KLHL5: variants seen among roughly 807,000 people sequenced by gnomAD.
KLHL5 encodes the protein kelch-like protein 5.
In KLHL5, 48 loss-of-function variants were observed where a neutral mutation model predicts 77.7. The observed-to-expected ratio is 0.62, with a 90% confidence interval of 0.49 to 0.79. KLHL5 has a LOEUF of 0.79. Ranked by LOEUF, KLHL5 falls within the 30% of genes least tolerant of loss-of-function variation. KLHL5 has a pLI of 0.00. For synonymous variants in KLHL5, 260 were observed against 297.0 expected (o/e 0.88, Z 1.28); for missense variants, 723 against 859.7 (o/e 0.84, Z 1.99).
Position 39,122,658 on chromosome 4 carries a change from A to T in KLHL5, c.*1592A>T, listed in dbSNP as rs758326442. On this transcript the variant is annotated 3_prime_UTR_variant, in exon 11 of 11. Transcript: ENST00000504108. ...GTCTCTACTAAAAATAAAAAATAAAAAAAAATTAGCCAGGCGTGGTGGCGG... is the reference window on the plus strand; with the variant it reads ...GTCTCTACTAAAAATAAAAAATAAATAAAAATTAGCCAGGCGTGGTGGCGG... Among the ~76,000 whole-genome samples, 5 of 151,918 alleles carry T rather than the reference A, an allele frequency of 3.3e-5. No homozygotes were observed. Among genetic ancestry groups the T allele is most frequent in the Non-Finnish European group, 5.9e-5 (4 of 67,974 alleles).
At chr4:39,129,475 TG>T (rs1283263138), downstream of KLHL5, among the ~76,000 whole-genome samples, 1 of 152,226 alleles carries the variant, frequency 6.6e-6, no homozygotes, top group Non-Finnish European at 1.5e-5. The surrounding 1 kb of genome is among the most constrained non-coding windows in gnomAD (Gnocchi z 4.2). Flanking sequence ...CCCAAAGTGC[TG>T]GGATTACAGG....
At position 39,062,636 on chromosome 4, in the gene KLHL5, A is replaced by T; in HGVS notation, c.-17A>T. ...CTTTTTGCCCGTTGCCTAGACGATC[A>T]CTTGGTTTCTCTGAGGATGTCTGGT... On this transcript the variant is annotated 5_prime_UTR_variant, in exon 1 of 11. Coordinates refer to ENST00000504108, the MANE Select transcript of KLHL5 (RefSeq NM_015990.5). The T allele has an allele frequency of 6.2e-7, 1 of 1,614,148 alleles. No homozygotes were observed. The highest frequency in any genetic ancestry group is 8.5e-7 in the Non-Finnish European group (1 of 1,180,014).
intron 1 of KLHL5, among the ~76,000 whole-genome samples, chr4:39,049,099 C>T (rs947580614): frequency 1.3e-5 from 2 of 152,160 alleles, no homozygotes; most frequent in African/African-American, 4.8e-5. Context: ...AGTCTGTGAA[C>T]GGTCTTAATG....
At chr4:39,120,823 A>G (rs1217307148) in intron 10 of KLHL5, among the ~76,000 whole-genome samples, 187 bp from the exon 11 acceptor site, 4 of 152,264 alleles carry the variant, frequency 2.6e-5, no homozygotes, top group Non-Finnish European at 5.9e-5. Context: ...AACTTAGTCT[A>G]TGAAACTTTG....
intron 1 of KLHL5, chr4:39,045,181 C>G: frequency 1.0e-6 from 1 of 983,702 alleles, no homozygotes; most frequent in Non-Finnish European, 1.2e-6. Flanking sequence ...TCTCACGCCC[C>G]GCTGCGGCCT....
chr4:39,089,035 T>C (rs1720295058), intron 5 of KLHL5, among the ~76,000 whole-genome samples: 2 of 152,160 alleles, frequency 1.3e-5, no homozygotes, highest in Non-Finnish European at 2.9e-5. Flanking sequence ...GGAATTTTAT[T>C]TCAGAAATTT....
At chr4:39,070,342 A>G (rs555632900) in intron 1 of KLHL5, among the ~76,000 whole-genome samples, 1 of 152,322 alleles carries the variant, frequency 6.6e-6, no homozygotes, top group African/African-American at 2.4e-5. Context: ...TCTCCAGGCC[A>G]TTAAATATTC....
At chr4:39,107,338 G>A (rs111539637) in intron 7 of KLHL5, among the ~76,000 whole-genome samples, 182 of 151,090 alleles carry the variant, frequency 1.2e-3, no homozygotes, top group African/African-American at 3.4e-3. Context: ...ATAAGTCACC[G>A]TGCCTGGGCA....
rs556566564 is a variant in KLHL5 at position 39,101,645 on chromosome 4, C to T, written c.1301-1642C>T. On this transcript the variant is annotated intron_variant, in intron 6 of 10. Transcript: ENST00000504108. ...GGAGGATCACTTGAGGCCAGGAGTT[C>T]GAGACCAGCCTGGCCAATACAGCAA... Among the ~76,000 whole-genome samples the T allele has an allele frequency of 1.4e-4, 21 of 151,816 alleles. No individual in the cohort carries two copies. In the South Asian group the frequency reaches 1.7e-3, roughly 12 times the overall value.
intron 2 of KLHL5, among the ~76,000 whole-genome samples, chr4:39,077,009 A>C (rs2566139): frequency 0.77 from 115,988 of 151,040 alleles, 44,563 homozygotes; most frequent in East Asian, 0.82. Flanking sequence ...GGGAGAAAAT[A>C]TTCACAATCT....
the KLHL5 span, among the ~76,000 whole-genome samples, chr4:39,137,714 T>G: frequency 1.8e-4 from 28 of 152,152 alleles, no homozygotes; most frequent in Non-Finnish European, 3.2e-4. Context: ...CGGGAACATC[T>G]TACCATCTAA....
At chr4:39,101,859 A>AAAT (rs1553892985) in intron 6 of KLHL5, among the ~76,000 whole-genome samples, 6 of 104,758 alleles carry the variant, frequency 5.7e-5, no homozygotes, top group African/African-American at 2.1e-4. Flanking sequence ...AAAAAAAAAA[A>AAAT]ATATATATAT....
intron 6 of KLHL5, among the ~76,000 whole-genome samples, chr4:39,097,948 TG>T (rs1721211686): frequency 6.6e-6 from 1 of 151,884 alleles, no homozygotes; most frequent in Non-Finnish European, 1.5e-5. Context: ...ATGGGCAATA[TG>T]GTGAAACCCC....
chr4:39,133,863 A>G, the KLHL5 span: 1 of 152,202 alleles, frequency 6.6e-6, no homozygotes, highest in Non-Finnish European at 1.5e-5. Context: ...CTTTTGTGTT[A>G]TGACAACAAA....
chr4:39,087,693 A>G (rs1720177475), intron 5 of KLHL5, among the ~76,000 whole-genome samples: 1 of 152,212 alleles, frequency 6.6e-6, no homozygotes, highest in Non-Finnish European at 1.5e-5. Flanking sequence ...TGGAATATAT[A>G]AAAATTTTCC....
chr4:39,142,267 C>A, the KLHL5 span, among the ~76,000 whole-genome samples: 6 of 151,820 alleles, frequency 4.0e-5, no homozygotes, highest in African/African-American at 1.5e-4. Context: ...TGGTGGCGGG[C>A]GCCTGTAATC....
intron 1 of KLHL5, 146 bp from the exon 2 acceptor site, chr4:39,075,819 C>T: frequency 1.6e-6 from 1 of 640,306 alleles, no homozygotes. Flanking sequence ...TTTTAAGAGA[C>T]TAAAATGATG....
the KLHL5 span, chr4:39,135,453 C>T: frequency 1.3e-5 from 2 of 152,354 alleles, no homozygotes; most frequent in Admixed American, 1.3e-4. Context: ...GCTCAGAACC[C>T]GCAGCAGAGT....
At chr4:39,057,291 T>C (rs1261436878), upstream of KLHL5, among the ~76,000 whole-genome samples, 2 of 152,236 alleles carry the variant, frequency 1.3e-5, no homozygotes, top group African/African-American at 4.8e-5. Flanking sequence ...TTTTGTGGTC[T>C]ATTTCCTTAT....
Sources: allele counts gnomAD v4.1 joint callset (sites outside exome capture counted in the v4.1 genomes callset), GRCh38; gene constraint gnomAD v4.1.1; non-coding constraint Gnocchi (gnomAD v3.1); transcripts MANE v1.5; gene names NCBI Gene and HGNC (gene_info 2026-07-23, HGNC 2026-07-21).